TSPEAR: variants seen among roughly 807,000 people sequenced by gnomAD.
The protein encoded by TSPEAR is thrombospondin-type laminin G domain and EAR repeat-containing protein.
TSPEAR carries 69 observed loss-of-function variants against 71.6 expected under a neutral mutation model. The observed-to-expected ratio is 0.96, with a 90% confidence interval of 0.79 to 1.18. The LOEUF is 1.18. Ranked by LOEUF, TSPEAR falls within the 50% of genes most tolerant of loss-of-function variation. TSPEAR has a pLI of 0.00. For missense variants in TSPEAR, 971 were observed against 894.9 expected, an observed-to-expected ratio of 1.09 and a Z score of -1.09; for synonymous variants, 402 against 387.2, an observed-to-expected ratio of 1.04 and a Z score of -0.45.
chr21:44,533,609 C>G (rs944612350), intron 3 of TSPEAR, 76 bp downstream of exon 3: 3 of 1,274,722 alleles, frequency 2.4e-6, no homozygotes, highest in Non-Finnish European at 3.3e-6. Context: ...TGTTGCTCGG[C>G]GAGCACGGCT....
intron 3 of TSPEAR, among the ~76,000 whole-genome samples, chr21:44,533,328 C>T (rs1204313582): frequency 8.5e-5 from 13 of 152,218 alleles, no homozygotes; most frequent in Admixed American, 2.0e-4. Flanking sequence ...CAGAGGCTGG[C>T]GCGGACGCTG....
At chr21:44,685,214 G>A (rs1365635467) in intron 1 of TSPEAR, among the ~76,000 whole-genome samples, 2 of 152,178 alleles carry the variant, frequency 1.3e-5, no homozygotes, top group African/African-American at 4.8e-5. Context: ...AGCAGAGGGT[G>A]CCCCTGGGAG....
intron 2 of TSPEAR, among the ~76,000 whole-genome samples, chr21:44,542,101 TCA>T (rs1304226872): frequency 3.9e-5 from 6 of 152,208 alleles, no homozygotes; most frequent in African/African-American, 4.8e-5. Context: ...ATGGAGAATT[TCA>T]GTGTCAAACT....
chr21:44,627,186 C>A, intron 1 of TSPEAR: 1 of 1,612,886 alleles, frequency 6.2e-7, no homozygotes, highest in Non-Finnish European at 8.5e-7. Context: ...CCGCGTCCAC[C>A]ATGTCCATCC....
chr21:44,613,843 G>A (rs914788187), intron 1 of TSPEAR, among the ~76,000 whole-genome samples: 6 of 152,178 alleles, frequency 3.9e-5, no homozygotes, highest in East Asian at 1.9e-4. Context: ...TGTCCTTCAC[G>A]TCGTTTAGGT....
intron 1 of TSPEAR, among the ~76,000 whole-genome samples, chr21:44,610,551 G>A (rs587639510): frequency 6.6e-6 from 1 of 152,352 alleles, no homozygotes; most frequent in East Asian, 1.9e-4. Context: ...TGCTGCAGGG[G>A]TGGGGCCCTC....
chr21:44,618,711 G>A (rs938425316), intron 1 of TSPEAR, among the ~76,000 whole-genome samples: 6 of 152,168 alleles, frequency 3.9e-5, no homozygotes, highest in Admixed American at 1.3e-4. Flanking sequence ...TGTTTCGACC[G>A]TCTGGTGGCT....
intron 7 of TSPEAR, among the ~76,000 whole-genome samples, chr21:44,526,457 T>TA (rs2052857224): frequency 1.3e-5 from 2 of 150,938 alleles, no homozygotes; most frequent in East Asian, 3.9e-4. Flanking sequence ...AAGTTTTTTT[T>TA]ATAACAAAAA....
In TSPEAR at chr21:44,527,379, G is replaced by A. The variant is rs1054155567; in HGVS notation, c.1062C>T (p.Tyr354=). The change falls in exon 7 of 12, where the codon TAC becomes TAT. Residue 354 remains tyrosine, a synonymous_variant. Transcript: ENST00000323084. ...AGACGAACTTCTCTTCGGTCCACTT[G>A]TAGACGGCGGATGTGGCTTTGCGAT... ...TANRKATSAV[Y]KWTEEKFVSY... The A allele has an allele frequency of 1.9e-6, 3 of 1,614,222 alleles. No individual in the cohort carries two copies. The highest frequency in any genetic ancestry group is 2.5e-6 in the Non-Finnish European group (3 of 1,180,042).
At chr21:44,527,229 G>T in intron 7 of TSPEAR, 63 bp downstream of exon 7, 1 of 1,575,470 alleles carries the variant, frequency 6.3e-7, no homozygotes. Flanking sequence ...AGGGGGCCCC[G>T]CCTGTGGACT....
chr21:44,579,838 G>A (rs781968503), intron 1 of TSPEAR: 9 of 1,610,124 alleles, frequency 5.6e-6, no homozygotes, highest in Non-Finnish European at 7.6e-6. Context: ...AGCTGGCCTG[G>A]TAGGAGGAGG....
chr21:44,612,620 A>G lies in TSPEAR; in HGVS notation c.83-44615T>C, dbSNP rs782294785. 1.2e-6 allele frequency: 2 copies of G among 1,612,032 alleles called. No homozygotes were observed. Among genetic ancestry groups the G allele is most frequent in the East Asian group, 2.2e-5 (1 of 44,790 alleles). On this transcript the variant is annotated intron_variant, in intron 1 of 11. Transcript: ENST00000323084. The surrounding 1 kb of genome is among the most constrained non-coding windows in gnomAD (Gnocchi z 4.1). ...CTGTGTGCCCATCTGCTGCAAGCCC[A>G]TCTGCTGTGTGCCTGTCTGCTCTGG...
chr21:44,655,991 C>T (rs1187301308), intron 1 of TSPEAR, among the ~76,000 whole-genome samples: 14 of 152,126 alleles, frequency 9.2e-5, no homozygotes, highest in Admixed American at 6.5e-4. Flanking sequence ...GAGCTGTGGA[C>T]AGAACTTAGA....
chr21:44,561,934 C>A (rs899445110), intron 2 of TSPEAR, among the ~76,000 whole-genome samples: 4 of 152,086 alleles, frequency 2.6e-5, no homozygotes, highest in Admixed American at 2.0e-4. Flanking sequence ...ACAAGGATAC[C>A]CTCTCTCATC....
At chr21:44,572,727 A>G (rs187983273) in intron 1 of TSPEAR, among the ~76,000 whole-genome samples, 1 of 151,732 alleles carries the variant, frequency 6.6e-6, no homozygotes, top group African/African-American at 2.4e-5. Context: ...TGTGAATGTG[A>G]CCCTATATGG....
chr21:44,621,481 G>T (rs1982430405), intron 1 of TSPEAR, among the ~76,000 whole-genome samples: 1 of 152,196 alleles, frequency 6.6e-6, no homozygotes, highest in Non-Finnish European at 1.5e-5. Flanking sequence ...GTATGACAGT[G>T]GCTTCCTCAT....
At position 44,646,161 on chromosome 21, in the gene TSPEAR, A is replaced by C. The variant is rs80126707; in HGVS notation, c.82+65272T>G. On this transcript the variant is annotated intron_variant, in intron 1 of 11. Coordinates refer to ENST00000323084, the MANE Select transcript of TSPEAR (RefSeq NM_144991.3). ...AAAAAAAAAAAAAAAAAAAGGAAAT[A>C]TTTTCCACCACATTTCTGTGGCCAA... is the stretch of plus-strand genomic sequence containing the variant. Among the ~76,000 whole-genome samples, 1,099 of 145,668 alleles carry C rather than the reference A, an allele frequency of 7.5e-3. 14 individuals carry two copies. The highest frequency in any genetic ancestry group is 0.027 in the African/African-American group (1,038 of 39,060).
chr21:44,642,172 T>A lies in TSPEAR; in HGVS notation c.82+69261A>T, dbSNP rs587712478. ...TGTACTGTGTCCTAAAAAATATAAA[T>A]TACCTACCCTGAGTAACAAGACAAA... On this transcript the variant is annotated intron_variant, in intron 1 of 11. Transcript: ENST00000323084. The surrounding 1 kb of genome is among the most constrained non-coding windows in gnomAD (Gnocchi z 4.1). Among the ~76,000 whole-genome samples the A allele has an allele frequency of 6.6e-6, 1 of 152,228 alleles. No individual in the cohort carries two copies. Among genetic ancestry groups the A allele is most frequent in the East Asian group, 1.9e-4 (1 of 5,180 alleles).
At position 44,588,389 on chromosome 21, in the gene TSPEAR, C is replaced by T. The variant is rs1358563719; in HGVS notation, c.83-20384G>A. On this transcript the variant is annotated intron_variant, in intron 1 of 11. Transcript: ENST00000323084. ...AATCAAAAAATAATAGATGCTGGCA[C>T]AGATGTGGTGAACAGGGAAGACTTC... Among the ~76,000 whole-genome samples the T allele has an allele frequency of 9.2e-5, 14 of 152,086 alleles. No individual in the cohort carries two copies. In the East Asian group the frequency reaches 1.4e-3, roughly 15 times the overall value.
Sources: allele counts gnomAD v4.1 joint callset (sites outside exome capture counted in the v4.1 genomes callset), GRCh38; gene constraint gnomAD v4.1.1; non-coding constraint Gnocchi (gnomAD v3.1); transcripts MANE v1.5; gene names NCBI Gene and HGNC (gene_info 2026-07-23, HGNC 2026-07-21).